SLC16A7: variants seen among roughly 807,000 people sequenced by gnomAD.
SLC16A7 encodes monocarboxylate transporter 2.
In SLC16A7, 33 loss-of-function variants were observed where a neutral mutation model predicts 34.9. The ratio of observed to expected loss-of-function variants is 0.94; its 90% CI spans 0.72 to 1.26. The LOEUF is 1.26. Among genes scored for constraint, SLC16A7 ranks in the 50% most tolerant of loss-of-function variants. The pLI, the probability that SLC16A7 is intolerant of heterozygous loss-of-function variation, is 0.00. For synonymous variants in SLC16A7, 201 were observed against 206.6 expected, an observed-to-expected ratio of 0.97 and a Z score of 0.23; for missense variants, 573 against 578.1, an observed-to-expected ratio of 0.99 and a Z score of 0.09.
chr12:59,738,884 T>G (rs1020841859), intron 3 of SLC16A7, among the ~76,000 whole-genome samples: 5 of 151,750 alleles, frequency 3.3e-5, no homozygotes, highest in African/African-American at 1.2e-4. Context: ...TATAAACTAT[T>G]GCTATTTTTA....
intron 3 of SLC16A7, among the ~76,000 whole-genome samples, chr12:59,751,335 A>C (rs989845987): frequency 6.6e-6 from 1 of 152,192 alleles, no homozygotes; most frequent in Non-Finnish European, 1.5e-5. Flanking sequence ...GGGGTCAGGG[A>C]GTTCCCTTTC....
At chr12:59,678,275 G>A (rs1224658601) in intron 2 of SLC16A7, among the ~76,000 whole-genome samples, 2 of 152,200 alleles carry the variant, frequency 1.3e-5, no homozygotes, top group East Asian at 3.9e-4. Flanking sequence ...CCACCATTCA[G>A]TGGGTCTGAG....
At chr12:59,646,011 G>C (rs1023759117) in intron 1 of SLC16A7, among the ~76,000 whole-genome samples, 22 of 152,166 alleles carry the variant, frequency 1.4e-4, no homozygotes, top group African/African-American at 5.3e-4. Flanking sequence ...TCTGGTGGTA[G>C]TAATTTCTAA....
chr12:59,727,526 T>C (rs1433474768), intron 3 of SLC16A7, among the ~76,000 whole-genome samples: 2 of 152,130 alleles, frequency 1.3e-5, no homozygotes, highest in Admixed American at 6.5e-5. Flanking sequence ...CTGGGTTAGG[T>C]ATTTTCCAGA....
chr12:59,720,437 A>G lies in SLC16A7; in HGVS notation c.217+15419A>G, dbSNP rs113688381. On this transcript the variant is annotated intron_variant, in intron 3 of 5. Transcript: ENST00000547379. ...CTAAAATGAAATAGTGAACAAAAGC[A>G]TATATTTGATGTCAGACCAAGGAAT... Among the ~76,000 whole-genome samples the G allele has an allele frequency of 4.5e-3, 684 of 152,234 alleles. 4 individuals carry two copies. Among genetic ancestry groups the G allele is most frequent in the Admixed American group, 7.7e-3 (118 of 15,272 alleles).
chr12:59,605,408 C>T (rs2136960162), intron 1 of SLC16A7, among the ~76,000 whole-genome samples: 1 of 152,280 alleles, frequency 6.6e-6, no homozygotes, highest in South Asian at 2.1e-4. Context: ...GGTGGCAAGA[C>T]TCCCATGGAA....
At chr12:59,635,635 A>C (rs2136999488) in intron 1 of SLC16A7, among the ~76,000 whole-genome samples, 1 of 152,160 alleles carries the variant, frequency 6.6e-6, no homozygotes, top group Middle Eastern at 3.4e-3. Context: ...TTTTCCATGA[A>C]GGTTTTGTAA....
At chr12:59,766,072 G>C (rs1296810411) in intron 3 of SLC16A7, among the ~76,000 whole-genome samples, 2 of 152,112 alleles carry the variant, frequency 1.3e-5, no homozygotes, top group Non-Finnish European at 2.9e-5. Flanking sequence ...TGGATTCCTA[G>C]GTATTTTAAT....
intron 3 of SLC16A7, among the ~76,000 whole-genome samples, chr12:59,752,765 A>T (rs1300393177): frequency 1.3e-5 from 2 of 152,282 alleles, no homozygotes; most frequent in Non-Finnish European, 2.9e-5. Flanking sequence ...CGCCACAAAG[A>T]TATTCCTCGA....
chr12:59,633,234 A>G (rs1880264142), intron 1 of SLC16A7, among the ~76,000 whole-genome samples: 1 of 151,886 alleles, frequency 6.6e-6, no homozygotes, highest in Non-Finnish European at 1.5e-5. Context: ...GTTCTACCCA[A>G]CCCTACTCTA....
intron 3 of SLC16A7, among the ~76,000 whole-genome samples, chr12:59,737,011 A>G (rs1877680117): frequency 1.3e-5 from 2 of 152,146 alleles, no homozygotes; most frequent in East Asian, 1.9e-4. Context: ...TCCAATATGC[A>G]TATTGGAGAT....
chr12:59,758,240 T>G (rs1880618308), intron 3 of SLC16A7, among the ~76,000 whole-genome samples: 1 of 152,136 alleles, frequency 6.6e-6, no homozygotes, highest in East Asian at 1.9e-4. Flanking sequence ...GATCTCATGT[T>G]AAGTGTTCTT....
intron 1 of SLC16A7, among the ~76,000 whole-genome samples, chr12:59,622,879 T>C (rs1879755511): frequency 6.6e-6 from 1 of 151,740 alleles, no homozygotes; most frequent in African/African-American, 2.4e-5. Context: ...GACTACTGAA[T>C]TGGATAATTC....
At chr12:59,779,382 G>C in intron 5 of SLC16A7, 41 bp from the exon 6 acceptor site, 1 of 1,466,584 alleles carries the variant, frequency 6.8e-7, no homozygotes, top group African/African-American at 1.4e-5. Context: ...TTATATGACT[G>C]TTTTATTATG....
At chr12:59,707,087 A>C (rs1194158750) in intron 3 of SLC16A7, among the ~76,000 whole-genome samples, 1 of 152,098 alleles carries the variant, frequency 6.6e-6, no homozygotes, top group African/African-American at 2.4e-5. Flanking sequence ...CATCTGTTGG[A>C]CAAATAGTAA....
intron 1 of SLC16A7, among the ~76,000 whole-genome samples, chr12:59,654,387 T>A (rs1868428048): frequency 1.3e-5 from 2 of 151,780 alleles, no homozygotes; most frequent in South Asian, 4.1e-4. Context: ...ATTTTACAAA[T>A]GTTAACTAGC....
chr12:59,745,216 A>G (rs1342214043), intron 3 of SLC16A7, among the ~76,000 whole-genome samples: 1 of 152,228 alleles, frequency 6.6e-6, no homozygotes, highest in African/African-American at 2.4e-5. Flanking sequence ...AAACAGAAAC[A>G]AAATTTGTCT....
At chr12:59,671,714 G>A (rs933379893) in intron 2 of SLC16A7, among the ~76,000 whole-genome samples, 4 of 144,862 alleles carry the variant, frequency 2.8e-5, no homozygotes, top group Non-Finnish European at 4.5e-5. Flanking sequence ...ATATATATAT[G>A]TGTATATATA....
intron 3 of SLC16A7, among the ~76,000 whole-genome samples, chr12:59,769,723 G>C (rs1394899394): frequency 2.0e-5 from 3 of 151,996 alleles, no homozygotes; most frequent in African/African-American, 7.2e-5. Flanking sequence ...TGAGTGCATT[G>C]ATAAGTGAAT....
Sources: gnomAD v4.1 joint callset for allele counts (sites outside exome capture counted in the v4.1 genomes callset) on GRCh38, gnomAD v4.1.1 for gene constraint, MANE v1.5 for transcripts, NCBI Gene and HGNC (gene_info 2026-07-23, HGNC 2026-07-21) for gene names.